The following PRKCQ variants were observed in gnomAD, a reference collection of about 807,000 sequenced individuals.
The protein encoded by PRKCQ is protein kinase C theta, also known as protein kinase C theta type.
In PRKCQ, 41 loss-of-function variants were observed where a neutral mutation model predicts 91.2. The observed-to-expected ratio is 0.45, with a 90% CI of 0.35 to 0.58. The LOEUF is 0.58. Ranked by LOEUF, PRKCQ falls within the 20% of genes least tolerant of loss-of-function variation. The pLI is 0.00. For missense variants in PRKCQ, 673 were observed against 896.5 expected, an observed-to-expected ratio of 0.75 and a Z score of 3.18; for synonymous variants, 307 against 316.9, an observed-to-expected ratio of 0.97 and a Z score of 0.33.
intron 14 of PRKCQ, among the ~76,000 whole-genome samples, chr10:6,457,668 C>A (rs1438020533): frequency 2.6e-5 from 4 of 152,114 alleles, no homozygotes; most frequent in Non-Finnish European, 5.9e-5. Context: ...CAGAATGAAG[C>A]CAGAATCCTC....
chr10:6,431,955 T>G (rs1316341592), intron 16 of PRKCQ, among the ~76,000 whole-genome samples: 3 of 152,220 alleles, frequency 2.0e-5, no homozygotes, highest in Admixed American at 6.5e-5. Flanking sequence ...GAAAGAAACT[T>G]GGATATTTTT....
At chr10:6,524,298 G>A (rs568463496) in intron 1 of PRKCQ, among the ~76,000 whole-genome samples, 2 of 152,252 alleles carry the variant, frequency 1.3e-5, no homozygotes, top group Non-Finnish European at 2.9e-5. Context: ...CTGTCAGGTG[G>A]ACAGGACAAC....
intron 4 of PRKCQ, among the ~76,000 whole-genome samples, chr10:6,505,417 T>C (rs12358490): frequency 1.4e-5 from 2 of 138,604 alleles, no homozygotes; most frequent in Admixed American, 6.8e-5. Flanking sequence ...TCTTTCTTTC[T>C]TTCCTTCCTT....
intron 1 of PRKCQ, among the ~76,000 whole-genome samples, chr10:6,559,776 A>G (rs1404041616): frequency 6.6e-6 from 1 of 152,074 alleles, no homozygotes; most frequent in Non-Finnish European, 1.5e-5. Context: ...AGGTTCTAGA[A>G]ATTCTCTTTA....
intron 8 of PRKCQ, among the ~76,000 whole-genome samples, chr10:6,488,622 G>A (rs1001326453): frequency 1.3e-5 from 2 of 152,100 alleles, no homozygotes; most frequent in Non-Finnish European, 2.9e-5. Flanking sequence ...GACCTCAAGT[G>A]ATCTGCCCAC....
chr10:6,572,998 GT>G (rs943264927), intron 1 of PRKCQ, among the ~76,000 whole-genome samples: 12 of 152,034 alleles, frequency 7.9e-5, no homozygotes, highest in East Asian at 1.9e-4. Context: ...GATATTGAGG[GT>G]TTTTTTTCCA....
intron 1 of PRKCQ, among the ~76,000 whole-genome samples, chr10:6,569,853 G>A (rs1055465001): frequency 6.6e-6 from 1 of 152,146 alleles, no homozygotes; most frequent in African/African-American, 2.4e-5. Context: ...CCAGTTTGGG[G>A]CATGAGGCAT....
chr10:6,516,747 T>C (rs376871852), intron 1 of PRKCQ, among the ~76,000 whole-genome samples: 2 of 152,058 alleles, frequency 1.3e-5, no homozygotes, highest in East Asian at 1.9e-4. Flanking sequence ...CCTGACCTTT[T>C]CTGGTGTCAC....
intron 1 of PRKCQ, among the ~76,000 whole-genome samples, chr10:6,534,094 ATTT>A (rs1010090872): frequency 8.4e-5 from 2 of 23,902 alleles, no homozygotes; most frequent in Non-Finnish European, 4.9e-4. Flanking sequence ...ATATTTAATT[ATTT>A]AATATCATTA....
Position 6,497,184 on chromosome 10 carries a change from G to T in PRKCQ, c.574+36C>A. The T allele has an allele frequency of 6.2e-7, 1 of 1,614,040 alleles. No individual in the cohort carries two copies. The highest frequency in any genetic ancestry group is 8.5e-7 in the Non-Finnish European group (1 of 1,179,946). The stretch of plus-strand genomic sequence containing the variant: ...AGCCTAAGGAATAACTAAATAAAAA[G>T]AATGATGGTAATGCAACCAAAACCC... On this transcript the variant is annotated intron_variant, in intron 6 of 17. Coordinates refer to ENST00000263125, the MANE Select transcript of PRKCQ (RefSeq NM_006257.5). The surrounding 1 kb of genome is among the most constrained non-coding windows in gnomAD (Gnocchi z 4.5).
In PRKCQ at chr10:6,546,659, C is replaced by T. The variant is rs147614879; in HGVS notation, c.-9-31515G>A. Among the ~76,000 whole-genome samples the T allele has an allele frequency of 3.1e-3, 470 of 152,306 alleles. 1 individual carries two copies. Among genetic ancestry groups the T allele is most frequent in the African/African-American group, 0.011 (442 of 41,544 alleles). On this transcript the variant is annotated intron_variant, in intron 1 of 17. Transcript: ENST00000263125. ...GAGACGATGGAGTTTTCTAGATATA[C>T]AGTCATGTCGTCTGCAAACAGGGAC...
At chr10:6,451,223 A>G (rs1331238236) in intron 15 of PRKCQ, among the ~76,000 whole-genome samples, 2 of 149,544 alleles carry the variant, frequency 1.3e-5, no homozygotes, top group African/African-American at 4.9e-5. Flanking sequence ...ATATAAACAC[A>G]ATAAAAAATG....
chr10:6,506,825 AG>A (rs1168250099), intron 4 of PRKCQ, among the ~76,000 whole-genome samples: 1 of 152,228 alleles, frequency 6.6e-6, no homozygotes, highest in African/African-American at 2.4e-5. Flanking sequence ...TTTTCTAAGT[AG>A]GGGGATTTGA....
intron 3 of PRKCQ, among the ~76,000 whole-genome samples, chr10:6,509,593 G>A (rs553063590): frequency 1.3e-5 from 2 of 152,304 alleles, no homozygotes; most frequent in South Asian, 2.1e-4. Flanking sequence ...ATTTTTAGTA[G>A]AGACAGGGTA....
intron 1 of PRKCQ, among the ~76,000 whole-genome samples, chr10:6,567,130 G>A (rs897548972): frequency 6.6e-6 from 1 of 152,154 alleles, no homozygotes; most frequent in African/African-American, 2.4e-5. Flanking sequence ...TGTCATTAGG[G>A]AGCTCCACTA....
At chr10:6,438,901 A>G (rs1455107383) in intron 16 of PRKCQ, among the ~76,000 whole-genome samples, 1 of 152,196 alleles carries the variant, frequency 6.6e-6, no homozygotes, top group Non-Finnish European at 1.5e-5. Context: ...CCCAGCCTAG[A>G]TGTGCTAGGC....
intron 12 of PRKCQ, among the ~76,000 whole-genome samples, chr10:6,477,834 C>T (rs1836354872): frequency 6.6e-6 from 1 of 152,202 alleles, no homozygotes; most frequent in East Asian, 1.9e-4. Flanking sequence ...CACCATTGCA[C>T]TCCAGCCTGG....
At chr10:6,461,715 C>A (rs1835360800) in intron 14 of PRKCQ, among the ~76,000 whole-genome samples, 1 of 152,170 alleles carries the variant, frequency 6.6e-6, no homozygotes, top group South Asian at 2.1e-4. Flanking sequence ...CTCACTAGAT[C>A]CTTTCTTTTT....
chr10:6,453,221 TTACAAGAAAAAAACAACCCCATCAA>T (rs1166071625), intron 15 of PRKCQ, among the ~76,000 whole-genome samples: 1 of 151,354 alleles, frequency 6.6e-6, no homozygotes, highest in African/African-American at 2.4e-5. Context: ...TCAAACAAAT[TTACAAGAAAAAAACAACCCCATCAA>T]AAAGTGGGCG....
Sources: gnomAD v4.1 joint callset for allele counts (sites outside exome capture counted in the v4.1 genomes callset) on GRCh38, gnomAD v4.1.1 for gene constraint, Gnocchi (gnomAD v3.1) non-coding constraint, MANE v1.5 for transcripts, NCBI Gene and HGNC (gene_info 2026-07-23, HGNC 2026-07-21) for gene names.